SNX2: variants seen among roughly 807,000 people sequenced by gnomAD.
SNX2 encodes sorting nexin-2.
A neutral mutation model predicts 69.9 loss-of-function variants in SNX2; 25 were observed. The ratio of observed to expected loss-of-function variants is 0.36; its 90% confidence interval spans 0.26 to 0.50. SNX2 has a LOEUF of 0.50. Among genes scored for constraint, SNX2 ranks in the 20% least tolerant of loss-of-function variants. SNX2 has a pLI of 0.97. For missense variants in SNX2, 551 were observed against 613.3 expected, an observed-to-expected ratio of 0.90 and a Z score of 1.07; for synonymous variants, 229 against 200.4, an observed-to-expected ratio of 1.14 and a Z score of -1.20.
chr5:122,793,912 C>CT (rs1283543553), intron 1 of SNX2, among the ~76,000 whole-genome samples: 1 of 145,992 alleles, frequency 6.8e-6, no homozygotes, highest in Non-Finnish European at 1.5e-5. Context: ...AAATTCTGTC[C>CT]CCCCAAAAAA....
chr5:122,832,711 G>A lies in SNX2; in HGVS notation c.*3063G>A, dbSNP rs1020761531. 1.3e-5 allele frequency: 2 copies of A among 152,204 alleles called. No individual in the cohort carries two copies. The highest frequency in any genetic ancestry group is 4.8e-5 in the African/African-American group (2 of 41,464). The allele number at this position is 152,204 out of a possible 1,614,324, so 9.4% of individuals were successfully genotyped here. A position where few individuals can be genotyped will look rare whatever the true frequency, so the allele number is the denominator to read the frequency against. ...TAAAGGAGGAAGTCAGATGAGTAGAGAAGGAAAGTTATATTCCTTTACAAA... is the reference window on the plus strand; with the variant it reads ...TAAAGGAGGAAGTCAGATGAGTAGAAAAGGAAAGTTATATTCCTTTACAAA... On this transcript the variant is annotated 3_prime_UTR_variant, in exon 15 of 15. Coordinates refer to ENST00000379516, the MANE Select transcript of SNX2 (RefSeq NM_003100.4).
chr5:122,795,907 A>C (rs961125309), intron 2 of SNX2, among the ~76,000 whole-genome samples: 1 of 152,208 alleles, frequency 6.6e-6, no homozygotes, highest in East Asian at 1.9e-4. Flanking sequence ...TCCTAACTTA[A>C]GAAGGACTCT....
chr5:122,776,754 G>C (rs1288485673), intron 1 of SNX2, among the ~76,000 whole-genome samples: 1 of 152,144 alleles, frequency 6.6e-6, no homozygotes. Flanking sequence ...GTGTGAACTA[G>C]AATACTGTGA....
intron 2 of SNX2, 116 bp downstream of exon 2, chr5:122,795,499 T>TA: frequency 1.5e-6 from 1 of 684,266 alleles, no homozygotes; most frequent in East Asian, 2.7e-5. Flanking sequence ...GCAGCTCTTG[T>TA]AACAACTTAG....
In SNX2 at chr5:122,810,765, A is replaced by G. The variant is rs115836252; in HGVS notation, c.722+2410A>G. ...AATGCTACTTGTTAAATGGTACCAT[A>G]GTGGAATTTGCAATAGTGAAAAAAA... On this transcript the variant is annotated intron_variant, in intron 7 of 14. Coordinates refer to ENST00000379516, the MANE Select transcript of SNX2 (RefSeq NM_003100.4). Among the ~76,000 whole-genome samples the G allele has an allele frequency of 3.6e-3, 547 of 152,314 alleles. 4 individuals carry two copies. The highest frequency in any genetic ancestry group is 0.011 in the African/African-American group (471 of 41,584).
chr5:122,806,149 C>CACACACACACACACACACAA (rs1753651818), intron 6 of SNX2, among the ~76,000 whole-genome samples: 1 of 96,760 alleles, frequency 1.0e-5, no homozygotes, highest in Non-Finnish European at 2.1e-5. Context: ...CGCGCACACA[C>CACACACACACACACACACAA]ACACACACAC....
At chr5:122,824,437 A>G (rs1312293343) in intron 11 of SNX2, among the ~76,000 whole-genome samples, 3 of 152,148 alleles carry the variant, frequency 2.0e-5, no homozygotes, top group Non-Finnish European at 4.4e-5. Context: ...ATGTTTTAGG[A>G]AAAACGTGGT....
intron 1 of SNX2, among the ~76,000 whole-genome samples, chr5:122,791,625 C>T (rs143944838): frequency 0.03 from 4,570 of 152,214 alleles, 125 homozygotes; most frequent in East Asian, 0.04. Flanking sequence ...CCATGTTGGT[C>T]AGGCTGGTCT....
At chr5:122,828,445 T>A (rs899054863) in intron 14 of SNX2, among the ~76,000 whole-genome samples, 14 of 152,176 alleles carry the variant, frequency 9.2e-5, no homozygotes, top group African/African-American at 3.4e-4. Flanking sequence ...TATTTCAGTC[T>A]GTTCTCTGGA....
chr5:122,812,327 T>C (rs1753797507), intron 7 of SNX2, among the ~76,000 whole-genome samples: 1 of 152,130 alleles, frequency 6.6e-6, no homozygotes, highest in Non-Finnish European at 1.5e-5. Context: ...GATCACTCAC[T>C]CTGCTTTAGG....
intron 6 of SNX2, 115 bp downstream of exon 6, chr5:122,803,728 A>G (rs1174345455): frequency 4.1e-6 from 3 of 727,668 alleles, no homozygotes; most frequent in African/African-American, 3.6e-5. Context: ...ATGTGTAGAC[A>G]TAACTGAATT....
rs555822953 is a variant in SNX2 at position 122,775,664 on chromosome 5, G to T, written c.108+453G>T. The T allele has an allele frequency of 2.4e-5, 24 of 987,120 alleles. 1 individual carries two copies. The Admixed American group carries it at 2.5e-4, about 10-fold the overall frequency. The allele number at this position is 987,120 out of a possible 1,614,324, so 61.1% of individuals were successfully genotyped here. On this transcript the variant is annotated intron_variant, in intron 1 of 14. Coordinates refer to ENST00000379516, the MANE Select transcript of SNX2 (RefSeq NM_003100.4). The stretch of plus-strand genomic sequence containing the variant: ...TGAAGTGAGCGCTGAGGGGCCGAGG[G>T]TCTGTGGGGAACGAATGGGTGCACT...
intron 12 of SNX2, chr5:122,826,791 C>A (rs968404408): frequency 8.8e-6 from 2 of 227,554 alleles, no homozygotes; most frequent in Non-Finnish European, 1.5e-5. Context: ...GTTCACTAAT[C>A]ACAACATTTT....
intron 6 of SNX2, among the ~76,000 whole-genome samples, chr5:122,806,142 G>GCACACACACACACACACACA (rs139834252): frequency 9.8e-4 from 128 of 130,534 alleles, no homozygotes; most frequent in Non-Finnish European, 1.2e-3. Context: ...ACACGCGCGC[G>GCACACACACACACACACACA]CACACACACA....
chr5:122,816,838 G>T, intron 8 of SNX2, 77 bp from the exon 9 acceptor site: 1 of 636,312 alleles, frequency 1.6e-6, no homozygotes, highest in Non-Finnish European at 2.7e-6. Context: ...GGGGAGGAGG[G>T]GGGATCACTT....
intron 6 of SNX2, among the ~76,000 whole-genome samples, chr5:122,806,142 G>GCACGCGCGCGCGCACACACACACACACA (rs1554063175): frequency 7.7e-6 from 1 of 130,584 alleles, no homozygotes; most frequent in Admixed American, 7.6e-5. Flanking sequence ...ACACGCGCGC[G>GCACGCGCGCGCGCACACACACACACACA]CACACACACA....
chr5:122,801,914 G>A lies in SNX2; in HGVS notation c.436G>A (p.Val146Ile). 6.2e-7 allele frequency: 1 copy of A among 1,602,654 alleles called. No homozygotes were observed. The highest frequency in any genetic ancestry group is 8.5e-7 in the Non-Finnish European group (1 of 1,171,640). Residue 146 changes from valine (V) to isoleucine (I), a missense_variant, in exon 4 of 15, where the codon GTA becomes ATA. By Grantham distance (29) the Val-to-Ile change is conservative. Coordinates refer to ENST00000379516, the MANE Select transcript of SNX2 (RefSeq NM_003100.4). ...AGACATTTTTGACATAGAAATTGGT[G>A]TATCAGATCCAGAAAAAGTTGGTGA... ...NGDIFDIEIGVSDPEKVGDGM... is the reference protein window; with the variant it reads ...NGDIFDIEIGISDPEKVGDGM...
chr5:122,783,299 C>A (rs78910926), intron 1 of SNX2, among the ~76,000 whole-genome samples: 1 of 152,176 alleles, frequency 6.6e-6, no homozygotes, highest in Non-Finnish European at 1.5e-5. Flanking sequence ...AGATGTTTAA[C>A]ATTAACATTT....
chr5:122,828,570 T>C (rs1754211197), intron 14 of SNX2, among the ~76,000 whole-genome samples: 2 of 151,950 alleles, frequency 1.3e-5, no homozygotes, highest in South Asian at 4.2e-4. Context: ...TAACATAAAC[T>C]GTCAATATGC....
Sources: allele counts gnomAD v4.1 joint callset (sites outside exome capture counted in the v4.1 genomes callset), GRCh38; gene constraint gnomAD v4.1.1; transcripts MANE v1.5; gene names NCBI Gene and HGNC (gene_info 2026-07-23, HGNC 2026-07-21).